Variants in GPC6 observed in about 807,000 individuals in gnomAD.
GPC6 encodes glypican 6.
Under a neutral mutation model 55.2 loss-of-function variants are expected in GPC6, and 14 were observed. The ratio of observed to expected loss-of-function variants is 0.25; its 90% confidence interval spans 0.17 to 0.40. The LOEUF is 0.40. Ranked by LOEUF, GPC6 falls within the 10% of genes least tolerant of loss-of-function variation. The pLI is 1.00. For missense variants in GPC6, 641 were observed against 708.5 expected, an observed-to-expected ratio of 0.90 and a Z score of 1.08; for synonymous variants, 278 against 259.6, an observed-to-expected ratio of 1.07 and a Z score of -0.68.
chr13:93,561,669 T>C (rs1019696116), intron 2 of GPC6, among the ~76,000 whole-genome samples: 9 of 152,010 alleles, frequency 5.9e-5, no homozygotes, highest in African/African-American at 2.2e-4. Flanking sequence ...CATTGATAAC[T>C]TAGAAAGACT....
At chr13:93,866,202 C>G (rs900114859) in intron 3 of GPC6, among the ~76,000 whole-genome samples, 1 of 151,646 alleles carries the variant, frequency 6.6e-6, no homozygotes, top group Non-Finnish European at 1.5e-5. Flanking sequence ...CAGCCAACAA[C>G]TAGAGACAAC....
intron 3 of GPC6, among the ~76,000 whole-genome samples, chr13:93,870,204 C>G (rs1189270291): frequency 6.6e-6 from 1 of 151,854 alleles, no homozygotes; most frequent in East Asian, 1.9e-4. Context: ...ATGATACTAC[C>G]TTATTGTTAC....
intron 3 of GPC6, among the ~76,000 whole-genome samples, chr13:93,961,985 C>G (rs2140384496): frequency 6.6e-6 from 1 of 152,306 alleles, no homozygotes; most frequent in Non-Finnish European, 1.5e-5. Flanking sequence ...ATTCCTGAGG[C>G]TGTTCACCAA....
intron 3 of GPC6, among the ~76,000 whole-genome samples, chr13:94,021,132 T>C (rs116952366): frequency 6.6e-6 from 1 of 152,210 alleles, no homozygotes; most frequent in Non-Finnish European, 1.5e-5. Flanking sequence ...GAATGTATTC[T>C]AGCTGAATGT....
chr13:93,545,310 G>A lies in GPC6; in HGVS notation c.208G>A (p.Glu70Lys). ...CPQEYTCCTT[E>K]MEDKLSQQSK... ...TCAGGAATATACATGCTGCACCACA[G>A]AAATGGAAGACAAGTTAAGCCAACA... Residue 70 changes from glutamate to lysine, a missense_variant, in exon 2 of 9, where the codon GAA becomes AAA. Physicochemically the swap from Glu to Lys is moderately conservative, Grantham distance 56. Transcript: ENST00000377047. 1.2e-6 allele frequency: 2 copies of A among 1,613,732 alleles called. No individual in the cohort carries two copies. Among genetic ancestry groups the A allele is most frequent in the Non-Finnish European group, 1.7e-6 (2 of 1,179,694 alleles).
chr13:93,921,699 T>C (rs1281875800), intron 3 of GPC6, among the ~76,000 whole-genome samples: 1 of 151,466 alleles, frequency 6.6e-6, no homozygotes, highest in African/African-American at 2.4e-5. Context: ...GGGGTTTATA[T>C]GGGTACAGGA....
chr13:93,618,957 T>G (rs1018862795), intron 2 of GPC6, among the ~76,000 whole-genome samples: 1 of 152,138 alleles, frequency 6.6e-6, no homozygotes, highest in Non-Finnish European at 1.5e-5. Flanking sequence ...CTGTATGGTA[T>G]GGCCTATTGC....
At position 93,227,692 on chromosome 13, in the gene GPC6, T is replaced by C; in HGVS notation, c.160+76T>C. 10 of 1,196,490 alleles carry C rather than the reference T, an allele frequency of 8.4e-6. No homozygotes were observed. The highest frequency in any genetic ancestry group is 9.5e-6 in the Non-Finnish European group (8 of 845,996). The allele number at this position is 1,196,490 out of a possible 1,614,324, so 74.1% of individuals were successfully genotyped here. On this transcript the variant is annotated intron_variant, in intron 1 of 8. Transcript: ENST00000377047. The surrounding 1 kb of genome is among the most constrained non-coding windows in gnomAD (Gnocchi z 4.3). ...GTCCCACTGGCCGCCCGGCGTCCCC[T>C]TCCTTCCCCCTGTTGCTGAGTTGGT...
At chr13:93,631,668 C>T (rs1013696801) in intron 2 of GPC6, among the ~76,000 whole-genome samples, 2 of 152,188 alleles carry the variant, frequency 1.3e-5, no homozygotes, top group Non-Finnish European at 2.9e-5. Context: ...TGAATTTTCT[C>T]TCTTCAAACA....
chr13:93,621,257 G>T (rs1434484630), intron 2 of GPC6, among the ~76,000 whole-genome samples: 1 of 152,166 alleles, frequency 6.6e-6, no homozygotes, highest in Non-Finnish European at 1.5e-5. Flanking sequence ...TGACCTGGCG[G>T]TGATCCATGG....
intron 3 of GPC6, among the ~76,000 whole-genome samples, chr13:93,837,160 G>T (rs1887767625): frequency 6.6e-6 from 1 of 152,248 alleles, no homozygotes; most frequent in East Asian, 1.9e-4. Context: ...GTGTAATCTT[G>T]TTCTTTTGTA....
At chr13:93,379,430 A>G (rs1340217271) in intron 1 of GPC6, among the ~76,000 whole-genome samples, 1 of 152,210 alleles carries the variant, frequency 6.6e-6, no homozygotes, top group Non-Finnish European at 1.5e-5. Context: ...AAAATAAGTG[A>G]CCAGTCTATT....
intron 1 of GPC6, among the ~76,000 whole-genome samples, chr13:93,502,714 C>T (rs1880567249): frequency 6.6e-6 from 1 of 152,048 alleles, no homozygotes; most frequent in Non-Finnish European, 1.5e-5. Context: ...ATGCTTTCTG[C>T]TTCTTAGTCT....
intron 4 of GPC6, among the ~76,000 whole-genome samples, chr13:94,058,259 G>A (rs960243982): frequency 6.6e-6 from 1 of 152,088 alleles, no homozygotes; most frequent in Non-Finnish European, 1.5e-5. Flanking sequence ...CATATTTACG[G>A]TACGGAAATC....
chr13:94,094,322 A>G (rs1316079368), intron 4 of GPC6, among the ~76,000 whole-genome samples: 1 of 152,174 alleles, frequency 6.6e-6, no homozygotes, highest in East Asian at 1.9e-4. Context: ...GTAGCTTTAA[A>G]CAAAAGTGTA....
intron 3 of GPC6, among the ~76,000 whole-genome samples, chr13:93,982,744 C>G (rs1880862553): frequency 2.0e-5 from 3 of 152,142 alleles, no homozygotes; most frequent in African/African-American, 2.4e-5. Context: ...TAATCAGAAT[C>G]TGTAACACTA....
intron 3 of GPC6, among the ~76,000 whole-genome samples, chr13:93,886,749 A>ATTTTTTTT (rs34726181): frequency 1.5e-5 from 2 of 135,340 alleles, no homozygotes; most frequent in Non-Finnish European, 1.6e-5. Context: ...AGCATCTGTC[A>ATTTTTTTT]TTTTTTTTTT....
At chr13:93,878,721 G>GC (rs2140307721) in intron 3 of GPC6, among the ~76,000 whole-genome samples, 1 of 152,184 alleles carries the variant, frequency 6.6e-6, no homozygotes, top group African/African-American at 2.4e-5. Context: ...AGCCTTCAAG[G>GC]CATCATCTTG....
chr13:93,378,167 G>T (rs1482456224), intron 1 of GPC6, among the ~76,000 whole-genome samples: 2 of 152,168 alleles, frequency 1.3e-5, no homozygotes, highest in East Asian at 3.8e-4. Flanking sequence ...CCTGGCAAAG[G>T]ATTGTACATA....
Sources: allele counts gnomAD v4.1 joint callset (sites outside exome capture counted in the v4.1 genomes callset), GRCh38; gene constraint gnomAD v4.1.1; non-coding constraint Gnocchi (gnomAD v3.1); transcripts MANE v1.5; gene names NCBI Gene and HGNC (gene_info 2026-07-23, HGNC 2026-07-21).